Variants in ARPC5 observed in about 807,000 individuals in gnomAD.
ARPC5 encodes actin-related protein 2/3 complex subunit 5.
A neutral mutation model predicts 15.4 loss-of-function variants in ARPC5; 5 were observed. That is an observed-to-expected ratio of 0.32 (90% CI 0.17 to 0.68). The LOEUF is 0.68. Among genes scored for constraint, ARPC5 ranks in the 30% least tolerant of loss-of-function variants. ARPC5 has a pLI of 0.71. For synonymous variants in ARPC5, 85 were observed against 72.2 expected (o/e 1.18, Z -0.90); for missense variants, 138 against 192.8 (o/e 0.72, Z 1.68).
chr1:183,633,012 T>C, intron 2 of ARPC5, 70 bp downstream of exon 2: 3 of 1,153,706 alleles, frequency 2.6e-6, no homozygotes, highest in Middle Eastern at 1.9e-4. Flanking sequence ...GATTTTTTTT[T>C]GCAACTGCAG....
intron 3 of ARPC5, among the ~76,000 whole-genome samples, chr1:183,628,705 A>T (rs529036577): frequency 6.6e-6 from 1 of 152,360 alleles, no homozygotes; most frequent in African/African-American, 2.4e-5. Flanking sequence ...CATGGAGGAA[A>T]TGACACATTA....
intron 3 of ARPC5, among the ~76,000 whole-genome samples, chr1:183,628,781 A>G (rs1430913889): frequency 6.6e-6 from 1 of 152,244 alleles, no homozygotes; most frequent in Non-Finnish European, 1.5e-5. Context: ...GTGTGAAACA[A>G]TATGGTGCAT....
Position 183,635,700 on chromosome 1 carries a change from C to A in ARPC5, c.-41G>T. The A allele has an allele frequency of 6.3e-7, 1 of 1,593,686 alleles. No individual in the cohort carries two copies. The highest frequency in any genetic ancestry group is 8.6e-7 in the Non-Finnish European group (1 of 1,168,564). ...CGGCAAAGGCCTCTTCTTGGCGCTG[C>A]CTCTACCTCAGCAAGCCCAGCCCAG... On this transcript the variant is annotated 5_prime_UTR_variant, in exon 1 of 4. Transcript: ENST00000359856.
At position 183,630,321 on chromosome 1, in the gene ARPC5, GA is replaced by G. The variant is rs1232332264; in HGVS notation, c.393+139del. Reference sequence around the variant, plus strand: ...GACCAAGGCTAGTAAACATAAATATGAACTATCCTTTTCATGCATTTTATTT... The same window carrying G: ...GACCAAGGCTAGTAAACATAAATATGACTATCCTTTTCATGCATTTTATTT... On this transcript the variant is annotated intron_variant, in intron 3 of 3. Transcript: ENST00000359856. The G allele has an allele frequency of 1.5e-5, 10 of 653,176 alleles. No homozygotes were observed. In the African/African-American group the frequency reaches 1.7e-4, roughly 11 times the overall value. 40.5% of individuals were successfully genotyped at this position (653,176 alleles called of 1,614,324 possible).
At chr1:183,634,802 TA>T (rs954565228) in intron 1 of ARPC5, among the ~76,000 whole-genome samples, 26 of 152,176 alleles carry the variant, frequency 1.7e-4, no homozygotes, top group African/African-American at 6.3e-4. Context: ...TCTTAGCAGG[TA>T]AAAGGCTCCA....
Position 183,630,633 on chromosome 1 carries a change from C to T in ARPC5, c.221G>A (p.Arg74Gln), listed in dbSNP as rs142850994. ...CACCTTCAAGACAATGCTGCCTGCC[C>T]GGTCCTGGTGGGTCAATAAATAACA... ...INTKSQAVKD[R>Q]AGSIVLKVLI... The change falls in exon 3 of 4, where the codon CGG becomes CAG. Residue 74 changes from arginine (R) to glutamine (Q), a missense_variant. Physicochemically the swap from Arg to Gln is conservative, Grantham distance 43. Coordinates refer to ENST00000359856, the MANE Select transcript of ARPC5 (RefSeq NM_005717.4). 10 of 1,611,912 alleles carry T rather than the reference C, an allele frequency of 6.2e-6. No individual in the cohort carries two copies. Among genetic ancestry groups the T allele is most frequent in the African/African-American group, 4.0e-5 (3 of 74,840 alleles).
At chr1:183,630,278 G>A in intron 3 of ARPC5, 183 bp downstream of exon 3, 2 of 433,580 alleles carry the variant, frequency 4.6e-6, no homozygotes. Flanking sequence ...CACAAGTGTT[G>A]GAATCAGAAT....
In ARPC5 at chr1:183,623,785, G is replaced by T. The variant is rs1168114627; in HGVS notation, c.*3747C>A. On this transcript the variant is annotated 3_prime_UTR_variant, in exon 4 of 4. Coordinates refer to ENST00000359856, the MANE Select transcript of ARPC5 (RefSeq NM_005717.4). ...CGCCTGTAATCCCAGTGCTTTGGGA[G>T]GCGGAGGAGGGTGGATCACCTGAGG... The T allele has an allele frequency of 8.0e-6, 3 of 372,870 alleles. No individual in the cohort carries two copies. In the East Asian group the frequency reaches 1.6e-4, roughly 20 times the overall value. The allele number at this position is 372,870 out of a possible 1,614,324, so 23.1% of individuals were successfully genotyped here. A position where few individuals can be genotyped will look rare whatever the true frequency, so the allele number is the denominator to read the frequency against.
chr1:183,634,906 TTCTTCTTC>T (rs144441777), intron 1 of ARPC5, among the ~76,000 whole-genome samples: 1,857 of 129,130 alleles, frequency 0.014, 44 homozygotes, highest in African/African-American at 0.058. Flanking sequence ...AATCCCCTTC[TTCTTCTTC>T]TTTTTTTTTT....
chr1:183,631,797 T>A (rs1265665919), intron 2 of ARPC5: 3 of 152,202 alleles, frequency 2.0e-5, no homozygotes, highest in Non-Finnish European at 2.9e-5. Flanking sequence ...TCTTTTTTCT[T>A]TGGCAAAAGC....
chr1:183,628,172 CAAAAAAAAAAAA>C lies in ARPC5; in HGVS notation c.394-590_394-579del, dbSNP rs3068220. 6.5e-4 allele frequency among the ~76,000 whole-genome samples: 30 copies of C among 46,072 alleles called. 1 individual carries two copies. The highest frequency in any genetic ancestry group is 1.3e-3 in the African/African-American group (22 of 17,352). The allele number at this position is 46,072 out of a possible 152,430, so 30.2% of individuals were successfully genotyped here. A position where few individuals can be genotyped will look rare whatever the true frequency, so the allele number is the denominator to read the frequency against. ...TGGGCGACAGAGCAAGACTCCGTCT[CAAAAAAAAAAAA>C]AAAAAAAAAAAAAAAAAATCTGCAG... On this transcript the variant is annotated intron_variant, in intron 3 of 3. Transcript: ENST00000359856.
chr1:183,622,176 T>A lies in ARPC5; in HGVS notation c.*5356A>T, dbSNP rs1018841727. The stretch of plus-strand genomic sequence containing the variant: ...TTTGCCTGTAAATGCATACACTGTA[T>A]CTGGAAGGATGCCTAAGAATTAAGT... On this transcript the variant is annotated 3_prime_UTR_variant, in exon 4 of 4. Coordinates refer to ENST00000359856, the MANE Select transcript of ARPC5 (RefSeq NM_005717.4). 1 of 152,186 alleles carries A rather than the reference T, an allele frequency of 6.6e-6. No homozygotes were observed. The highest frequency in any genetic ancestry group is 1.5e-5 in the Non-Finnish European group (1 of 68,026). 9.4% of individuals were successfully genotyped at this position (152,186 alleles called of 1,614,324 possible).
chr1:183,630,393 G>A, intron 3 of ARPC5, 68 bp downstream of exon 3: 1 of 1,259,684 alleles, frequency 7.9e-7, no homozygotes, highest in Non-Finnish European at 1.1e-6. Flanking sequence ...ATTTAGGTGA[G>A]AGAGGTTGTC....
intron 3 of ARPC5, among the ~76,000 whole-genome samples, chr1:183,629,183 ATTAAATGAG>A (rs1220719497): frequency 6.6e-6 from 1 of 152,252 alleles, no homozygotes; most frequent in African/African-American, 2.4e-5. Context: ...TTTTATGAGG[ATTAAATGAG>A]TTAATATTTA....
Position 183,625,177 on chromosome 1 carries a change from A to T in ARPC5, c.*2355T>A, listed in dbSNP as rs538324125. On this transcript the variant is annotated 3_prime_UTR_variant, in exon 4 of 4. Coordinates refer to ENST00000359856, the MANE Select transcript of ARPC5 (RefSeq NM_005717.4). ...AAAGTGTCCTATGGCATTTATATAT[A>T]TTTTTTCCGCAATTAATCCTATTCC... is the stretch of plus-strand genomic sequence containing the variant. 6.6e-6 allele frequency: 1 copy of T among 152,090 alleles called. No individual in the cohort carries two copies. The allele number at this position is 152,090 out of a possible 1,614,324, so 9.4% of individuals were successfully genotyped here. A position where few individuals can be genotyped will look rare whatever the true frequency, so the allele number is the denominator to read the frequency against.
rs1489130881 is a variant in ARPC5, at chr1:183,627,427, T to C, written c.*105A>G. The C allele has an allele frequency of 1.1e-6, 1 of 928,904 alleles. No homozygotes were observed. Among genetic ancestry groups the C allele is most frequent in the Non-Finnish European group, 1.7e-6 (1 of 573,260 alleles). The allele number at this position is 928,904 out of a possible 1,614,324, so 57.5% of individuals were successfully genotyped here. The stretch of plus-strand genomic sequence containing the variant: ...ATATGAAAAAGCAAGAAGGCAAAGC[T>C]GAGAGAAACAGATGCTACCCACAGG... On this transcript the variant is annotated 3_prime_UTR_variant, in exon 4 of 4. Coordinates refer to ENST00000359856, the MANE Select transcript of ARPC5 (RefSeq NM_005717.4).
chr1:183,628,247 T>G (rs1649169959), intron 3 of ARPC5, among the ~76,000 whole-genome samples: 1 of 150,722 alleles, frequency 6.6e-6, no homozygotes. Flanking sequence ...ACATTCTGCA[T>G]TTCTCATTCT....
At position 183,627,354 on chromosome 1, in the gene ARPC5, C is replaced by A; in HGVS notation, c.*178G>T. The A allele has an allele frequency of 1.5e-6, 1 of 656,608 alleles. No homozygotes were observed. The highest frequency in any genetic ancestry group is 2.8e-6 in the Non-Finnish European group (1 of 360,080). The allele number at this position is 656,608 out of a possible 1,614,324, so 40.7% of individuals were successfully genotyped here. A position where few individuals can be genotyped will look rare whatever the true frequency, so the allele number is the denominator to read the frequency against. ...TTTAACACAATTTCTTCTATATTAT[C>A]CCAATTTTCATTAAAGGACAACTGA... On this transcript the variant is annotated 3_prime_UTR_variant, in exon 4 of 4. Coordinates refer to ENST00000359856, the MANE Select transcript of ARPC5 (RefSeq NM_005717.4).
intron 3 of ARPC5, chr1:183,630,250 T>C: frequency 2.5e-6 from 1 of 405,380 alleles, no homozygotes; most frequent in Non-Finnish European, 4.3e-6. Flanking sequence ...TAATTACTAA[T>C]AATCATTGTT....
Sources: gnomAD v4.1 joint callset for allele counts (sites outside exome capture counted in the v4.1 genomes callset) on GRCh38, gnomAD v4.1.1 for gene constraint, MANE v1.5 for transcripts, NCBI Gene and HGNC (gene_info 2026-07-23, HGNC 2026-07-21) for gene names.